PEX2: variants seen among roughly 807,000 people sequenced by gnomAD.
PEX2 encodes the protein peroxisome biogenesis factor 2.
A neutral mutation model predicts 25.2 loss-of-function variants in PEX2; 19 were observed. That is an observed-to-expected ratio of 0.75 (90% confidence interval 0.53 to 1.10). PEX2 has a LOEUF of 1.10. Among genes scored for constraint, PEX2 ranks in the 50% least tolerant of loss-of-function variants. The pLI, the probability that PEX2 is intolerant of heterozygous loss-of-function variation, is 0.00. For synonymous variants in PEX2, 141 were observed against 127.7 expected (o/e 1.10, Z -0.70); for missense variants, 347 against 350.6 (o/e 0.99, Z 0.08).
chr8:76,998,396 T>C (rs933615794), intron 1 of PEX2, among the ~76,000 whole-genome samples: 2 of 152,166 alleles, frequency 1.3e-5, no homozygotes, highest in East Asian at 3.8e-4. Context: ...AATAAAAGGA[T>C]ATGGAGAAGA....
In PEX2 at chr8:76,988,490, T is replaced by G. The variant is rs115034718; in HGVS notation, c.-159-152A>C. On this transcript the variant is annotated intron_variant, in intron 1 of 3. Coordinates refer to ENST00000357039, the MANE Select transcript of PEX2 (RefSeq NM_000318.3). ...CAATGTACATACCTTAATTAAAAAT[T>G]ACTTGATTGCTAAAAAATGCTAACA... is the stretch of plus-strand genomic sequence containing the variant. Among the ~76,000 whole-genome samples, 1,390 of 152,348 alleles carry G rather than the reference T, an allele frequency of 9.1e-3. 23 individuals carry two copies. The highest frequency in any genetic ancestry group is 0.031 in the African/African-American group (1,306 of 41,588).
At chr8:76,987,423 G>A (rs1226816662) in intron 2 of PEX2, among the ~76,000 whole-genome samples, 1 of 152,116 alleles carries the variant, frequency 6.6e-6, no homozygotes, top group Admixed American at 6.5e-5. Context: ...GACTAGAGGT[G>A]CACAGATGAG....
At chr8:76,993,442 C>T (rs574044746) in intron 1 of PEX2, among the ~76,000 whole-genome samples, 28 of 152,182 alleles carry the variant, frequency 1.8e-4, no homozygotes, top group African/African-American at 5.8e-4. Context: ...ACTATACTAT[C>T]CTTTCACATT....
chr8:76,988,277 C>G (rs1263631648), intron 2 of PEX2, 30 bp downstream of exon 2: 1 of 152,228 alleles, frequency 6.6e-6, no homozygotes, highest in African/African-American at 2.4e-5. Flanking sequence ...CTTGTGACTT[C>G]ATCAGAATCA....
At position 76,983,443 on chromosome 8, in the gene PEX2, G is replaced by C. The variant is rs757764014; in HGVS notation, c.736C>G (p.Leu246Val). The change falls in exon 4 of 4, where the codon CTA (leucine) becomes GTA (valine). Residue 246 changes from leucine (L) to valine (V), a missense_variant. Transcript: ENST00000357039. Reference sequence around the variant, plus strand: ...GGCATGGTGGGCCACTCTCCACATAGAGCGCATTCTTTGCCACTGGTGGCT... The same window carrying C: ...GGCATGGTGGGCCACTCTCCACATACAGCGCATTCTTTGCCACTGGTGGCT... ...TLATSGKECA[L>V]CGEWPTMPHT... 2 of 1,614,126 alleles carry C rather than the reference G, an allele frequency of 1.2e-6. No individual in the cohort carries two copies. Among genetic ancestry groups the C allele is most frequent in the Non-Finnish European group, 1.7e-6 (2 of 1,180,032 alleles).
chr8:76,999,612 AAGT>A (rs1807435428), intron 1 of PEX2, among the ~76,000 whole-genome samples: 1 of 152,202 alleles, frequency 6.6e-6, no homozygotes, highest in African/African-American at 2.4e-5. Flanking sequence ...TTCAGATATT[AAGT>A]AAAGTTTGGA....
rs886063129 is a variant in PEX2, at chr8:76,981,506, T to C, written c.*1755A>G. 13 of 152,164 alleles carry C rather than the reference T, an allele frequency of 8.5e-5. No homozygotes were observed. Among genetic ancestry groups the C allele is most frequent in the African/African-American group, 2.2e-4 (9 of 41,422 alleles). The allele number at this position is 152,164 out of a possible 1,614,324, so 9.4% of individuals were successfully genotyped here. On this transcript the variant is annotated 3_prime_UTR_variant, in exon 4 of 4. Coordinates refer to ENST00000357039, the MANE Select transcript of PEX2 (RefSeq NM_000318.3). ...AACAAAAAACAAAGACGTTTGTATA[T>C]ATTTTTATTTTTTTAGAAACGAACT...
intron 2 of PEX2, among the ~76,000 whole-genome samples, chr8:76,986,949 T>C (rs1330822807): frequency 6.6e-6 from 1 of 152,134 alleles, no homozygotes. Flanking sequence ...CTACAAACAC[T>C]AGATAAATGA....
intron 2 of PEX2, chr8:76,987,955 G>GA (rs1233070455): frequency 5.3e-5 from 8 of 152,154 alleles, no homozygotes; most frequent in Non-Finnish European, 7.4e-5. Flanking sequence ...AAATATGACA[G>GA]AAAAAATCTG....
At position 76,983,425 on chromosome 8, in the gene PEX2, T is replaced by C; in HGVS notation, c.754A>G (p.Thr252Ala). 1.2e-6 allele frequency: 2 copies of C among 1,614,160 alleles called. No individual in the cohort carries two copies. Among genetic ancestry groups the C allele is most frequent in the Non-Finnish European group, 8.5e-7 (1 of 1,180,010 alleles). ...KECALCGEWP[T>A]MPHTIGCEHI... ...TCACATCCTATGGTGTGAGGCATGG[T>C]GGGCCACTCTCCACATAGAGCGCAT... is the stretch of plus-strand genomic sequence containing the variant. The change falls in exon 4 of 4, where the codon ACC becomes GCC. Residue 252 changes from threonine (T) to alanine (A), a missense_variant. Coordinates refer to ENST00000357039, the MANE Select transcript of PEX2 (RefSeq NM_000318.3).
intron 3 of PEX2, among the ~76,000 whole-genome samples, chr8:76,984,452 A>G (rs368721338): frequency 1.3e-5 from 2 of 152,136 alleles, no homozygotes; most frequent in East Asian, 1.9e-4. Context: ...CATCAAAGAA[A>G]TAACAACAAA....
chr8:76,983,338 G>A lies in PEX2; in HGVS notation c.841C>T (p.Pro281Ser), dbSNP rs1259658159. ...CTGTGTACTTCTGTGCCACACTTAG[G>A]ACAAGTAAAGTACACGTCAAATAAG... Reference protein sequence around the residue: ...SFLFDVYFTCPKCGTEVHSLQ... With the variant: ...SFLFDVYFTCSKCGTEVHSLQ... The change falls in exon 4 of 4, where the codon CCT (proline) becomes TCT (serine). Residue 281 changes from proline to serine, a missense_variant. Pro to Ser is a moderately conservative substitution (Grantham distance 74). Coordinates refer to ENST00000357039, the MANE Select transcript of PEX2 (RefSeq NM_000318.3). 3 of 1,613,814 alleles carry A rather than the reference G, an allele frequency of 1.9e-6. No homozygotes were observed. The highest frequency in any genetic ancestry group is 1.7e-6 in the Non-Finnish European group (2 of 1,180,000).
At position 76,983,935 on chromosome 8, in the gene PEX2, T is replaced by G. The variant is rs778697660; in HGVS notation, c.244A>C (p.Asn82His). The G allele has an allele frequency of 1.9e-6, 3 of 1,614,144 alleles. No homozygotes were observed. Residue 82 changes from asparagine to histidine, a missense_variant, in exon 4 of 4, where the codon AAT becomes CAT. Coordinates refer to ENST00000357039, the MANE Select transcript of PEX2 (RefSeq NM_000318.3). ...KNATVGQSVL[N>H]IKYKNDFSPN... ...GAAAAATCATTTTTGTACTTAATAT[T>G]CAAAACTGACTGTCCCACTGTGGCA...
At chr8:76,996,446 G>T (rs1483889913) in intron 1 of PEX2, among the ~76,000 whole-genome samples, 1 of 152,136 alleles carries the variant, frequency 6.6e-6, no homozygotes, top group African/African-American at 2.4e-5. Context: ...CTTTAGGATG[G>T]TACCACAGGT....
In PEX2 at chr8:76,982,075, G is replaced by A. The variant is rs542767262; in HGVS notation, c.*1186C>T. On this transcript the variant is annotated 3_prime_UTR_variant, in exon 4 of 4. Transcript: ENST00000357039. ...CTGGCAGTGTATTTCCATCATACTA[G>A]CAAGATGTTTATTTAAAAACATTTA... 10 of 152,210 alleles carry A rather than the reference G, an allele frequency of 6.6e-5. No homozygotes were observed. The highest frequency in any genetic ancestry group is 2.4e-4 in the African/African-American group (10 of 41,536). The allele number at this position is 152,210 out of a possible 1,614,324, so 9.4% of individuals were successfully genotyped here.
rs950900674 is a variant in PEX2, at chr8:76,981,930, A to G, written c.*1331T>C. On this transcript the variant is annotated 3_prime_UTR_variant, in exon 4 of 4. Coordinates refer to ENST00000357039, the MANE Select transcript of PEX2 (RefSeq NM_000318.3). ...AACTTACAGTTCATTCAATCACAGA[A>G]TGTAAACTCCATGAAGGTAACTTGA... 3.9e-5 allele frequency: 6 copies of G among 152,226 alleles called. No homozygotes were observed. The highest frequency in any genetic ancestry group is 3.3e-4 in the Admixed American group (5 of 15,282). The allele number at this position is 152,226 out of a possible 1,614,324, so 9.4% of individuals were successfully genotyped here.
intron 1 of PEX2, among the ~76,000 whole-genome samples, chr8:76,995,112 T>C (rs1469667556): frequency 1.3e-5 from 2 of 152,164 alleles, no homozygotes; most frequent in Non-Finnish European, 2.9e-5. Flanking sequence ...GCCTAACAAC[T>C]CTTAAGTTCA....
rs1806891966 is a variant in PEX2, at chr8:76,983,324, T to C, written c.855A>G (p.Thr285=). 1.9e-6 allele frequency: 3 copies of C among 1,614,074 alleles called. No individual in the cohort carries two copies. The highest frequency in any genetic ancestry group is 1.7e-5 in the Admixed American group (1 of 60,032). The part of the protein sequence containing the change: ...DVYFTCPKCG[T]EVHSLQPLKS... ...TCAGTGGCTGCAGACTGTGTACTTC[T>C]GTGCCACACTTAGGACAAGTAAAGT... is the stretch of plus-strand genomic sequence containing the variant. Residue 285 remains threonine, a synonymous_variant, in exon 4 of 4, where the codon ACA becomes ACG. Coordinates refer to ENST00000357039, the MANE Select transcript of PEX2 (RefSeq NM_000318.3).
At position 76,984,028 on chromosome 8, in the gene PEX2, G is replaced by A. The variant is rs147209403; in HGVS notation, c.151C>T (p.Arg51Cys). 7.8e-5 allele frequency: 126 copies of A among 1,613,346 alleles called. No individual in the cohort carries two copies. The Middle Eastern group carries it at 8.2e-4, about 11-fold the overall frequency. ...FHGFKPGLLA[R>C]FEPEVKACLW... is the part of the protein sequence containing the mutation. ...CACGCTTTCACCTCTGGCTCAAAGC[G>A]AGCTAACAGCCCAGGTTTAAATCCA... is the stretch of plus-strand genomic sequence containing the variant. The change falls in exon 4 of 4, where the codon CGC (arginine) becomes TGC (cysteine). Residue 51 changes from arginine to cysteine, a missense_variant. By Grantham distance (180) the Arg-to-Cys change is radical. Coordinates refer to ENST00000357039, the MANE Select transcript of PEX2 (RefSeq NM_000318.3).
Sources: allele counts gnomAD v4.1 joint callset (sites outside exome capture counted in the v4.1 genomes callset), GRCh38; gene constraint gnomAD v4.1.1; transcripts MANE v1.5; gene names NCBI Gene and HGNC (gene_info 2026-07-23, HGNC 2026-07-21).